LEKR1: variants seen among roughly 807,000 people sequenced by gnomAD.
LEKR1 encodes leucine, glutamate and lysine rich 1.
A neutral mutation model predicts 72.4 loss-of-function variants in LEKR1; 59 were observed. That is an observed-to-expected ratio of 0.82 (90% CI 0.66 to 1.01). LEKR1 has a LOEUF of 1.01. Ranked by LOEUF, LEKR1 falls within the 50% of genes least tolerant of loss-of-function variation. LEKR1 has a pLI of 0.00. For synonymous variants in LEKR1, 257 were observed against 263.2 expected (o/e 0.98, Z 0.23); for missense variants, 728 against 759.2 (o/e 0.96, Z 0.48).
At chr3:156,834,579 C>T (rs1364590816) in intron 2 of LEKR1, among the ~76,000 whole-genome samples, 3 of 152,228 alleles carry the variant, frequency 2.0e-5, no homozygotes, top group African/African-American at 7.2e-5. Context: ...TGGTTAGGAA[C>T]CTGGTAAGTA....
In LEKR1 at chr3:157,033,036, C is replaced by G. The variant is rs116139047; in HGVS notation, c.1668+4634C>G. ...TTGTTTGTGGGTGCCAAGAATGGTG[C>G]CTATATAAGACAGCAAACTTAATAG... On this transcript the variant is annotated intron_variant, in intron 12 of 12. Coordinates refer to ENST00000356539, the MANE Select transcript of LEKR1 (RefSeq NM_001004316.3). Among the ~76,000 whole-genome samples, 588 of 152,160 alleles carry G rather than the reference C, an allele frequency of 3.9e-3. 2 individuals are homozygous for G. Among genetic ancestry groups the G allele is most frequent in the African/African-American group, 0.013 (527 of 41,542 alleles).
intron 6 of LEKR1, among the ~76,000 whole-genome samples, chr3:156,967,909 A>T (rs2107989263): frequency 6.6e-6 from 1 of 152,382 alleles, no homozygotes; most frequent in East Asian, 1.9e-4. Flanking sequence ...GAAGCCCATT[A>T]GACTAACAGC....
At chr3:156,879,032 A>G (rs1718962791) in intron 3 of LEKR1, among the ~76,000 whole-genome samples, 1 of 152,174 alleles carries the variant, frequency 6.6e-6, no homozygotes, top group African/African-American at 2.4e-5. Flanking sequence ...ATGAAAATGG[A>G]CTAATACAGT....
chr3:156,964,340 A>G (rs2874494), intron 6 of LEKR1, among the ~76,000 whole-genome samples: 74,631 of 151,912 alleles, frequency 0.49, 20,588 homozygotes, highest in East Asian at 0.73. Context: ...TGTTTGGATT[A>G]ATCATAATTT....
intron 12 of LEKR1, among the ~76,000 whole-genome samples, chr3:157,030,583 T>C (rs1734532147): frequency 6.6e-6 from 1 of 152,234 alleles, no homozygotes; most frequent in Non-Finnish European, 1.5e-5. Flanking sequence ...ATAAGTTATC[T>C]ATTGCTACGT....
At chr3:156,862,430 C>T (rs774838856) in intron 3 of LEKR1, among the ~76,000 whole-genome samples, 2 of 151,980 alleles carry the variant, frequency 1.3e-5, no homozygotes, top group African/African-American at 2.4e-5. Flanking sequence ...AGAGTACAGG[C>T]TCTGCTAATA....
chr3:157,025,116 G>C (rs1734094794), intron 11 of LEKR1, among the ~76,000 whole-genome samples, 192 bp downstream of exon 11: 3 of 152,158 alleles, frequency 2.0e-5, no homozygotes, highest in Admixed American at 2.0e-4. Context: ...AGTTATACAA[G>C]CATGTAATCC....
At chr3:156,862,018 A>G (rs1424679637) in intron 3 of LEKR1, among the ~76,000 whole-genome samples, 8 of 152,114 alleles carry the variant, frequency 5.3e-5, no homozygotes, top group Non-Finnish European at 8.8e-5. Flanking sequence ...AATAATGTTT[A>G]CCTGGGTTTC....
chr3:156,968,858 T>C (rs894815564), intron 6 of LEKR1, among the ~76,000 whole-genome samples: 1 of 152,168 alleles, frequency 6.6e-6, no homozygotes, highest in African/African-American at 2.4e-5. Flanking sequence ...TATTCCAAAA[T>C]TGACCACATA....
chr3:156,889,462 T>C (rs1720440492), intron 3 of LEKR1, among the ~76,000 whole-genome samples: 2 of 152,176 alleles, frequency 1.3e-5, no homozygotes, highest in African/African-American at 4.8e-5. Context: ...TTTGGATTTC[T>C]CTCTCAGAAG....
chr3:157,011,341 A>G lies in LEKR1; in HGVS notation c.1110-72A>G. On this transcript the variant is annotated intron_variant, in intron 9 of 12. Transcript: ENST00000356539. The stretch of plus-strand genomic sequence containing the variant: ...CTAAGTTTTGAAGTAATATCTCCCG[A>G]CCCAGGAACTACAACTTAGGAATTG... 4 of 1,011,024 alleles carry G rather than the reference A, an allele frequency of 4.0e-6. No individual in the cohort carries two copies. The South Asian group carries it at 5.1e-5, about 13-fold the overall frequency. The allele number at this position is 1,011,024 out of a possible 1,614,324, so 62.6% of individuals were successfully genotyped here.
chr3:156,846,955 G>A (rs1187331961), intron 2 of LEKR1, among the ~76,000 whole-genome samples: 1 of 152,128 alleles, frequency 6.6e-6, no homozygotes, highest in East Asian at 1.9e-4. Flanking sequence ...TGGGACTGCA[G>A]GCGCACACCA....
chr3:156,979,193 G>T lies in LEKR1; in HGVS notation c.746-1G>T. On this transcript the variant is annotated splice_acceptor_variant, in intron 6 of 12. Coordinates refer to ENST00000356539, the MANE Select transcript of LEKR1 (RefSeq NM_001004316.3). LOFTEE classifies it high-confidence loss of function. ...AGATGAAATACATTGTGTCATTTCA[G>T]ATTTACAATGTCTAGTAGAGGCACT... 8.0e-7 allele frequency: 1 copy of T among 1,252,770 alleles called. No homozygotes were observed. Among genetic ancestry groups the T allele is most frequent in the Non-Finnish European group, 1.0e-6 (1 of 954,008 alleles). 77.6% of individuals were successfully genotyped at this position (1,252,770 alleles called of 1,614,324 possible). A position where few individuals can be genotyped will look rare whatever the true frequency, so the allele number is the denominator to read the frequency against.
chr3:156,950,982 A>G (rs1210112849), intron 6 of LEKR1, among the ~76,000 whole-genome samples: 4 of 151,564 alleles, frequency 2.6e-5, no homozygotes, highest in African/African-American at 9.7e-5. Flanking sequence ...TGCCCATTCA[A>G]TATGATGTTG....
intron 10 of LEKR1, among the ~76,000 whole-genome samples, chr3:157,023,732 C>T (rs987457935): frequency 6.6e-6 from 1 of 152,160 alleles, no homozygotes; most frequent in African/African-American, 2.4e-5. Context: ...GATTTAAACT[C>T]AACTTCATCT....
At chr3:157,027,291 C>T (rs986298658) in intron 11 of LEKR1, among the ~76,000 whole-genome samples, 7 of 151,812 alleles carry the variant, frequency 4.6e-5, no homozygotes, top group Non-Finnish European at 8.8e-5. Context: ...TCTCTAACAC[C>T]ACAGAAAGCT....
intron 5 of LEKR1, among the ~76,000 whole-genome samples, chr3:156,940,705 T>A (rs1726123824): frequency 6.6e-6 from 1 of 152,206 alleles, no homozygotes; most frequent in Non-Finnish European, 1.5e-5. Flanking sequence ...TGATGTACTT[T>A]TCCATGTCTT....
chr3:156,879,331 G>A (rs866823681), intron 3 of LEKR1, among the ~76,000 whole-genome samples: 3 of 152,272 alleles, frequency 2.0e-5, no homozygotes, highest in South Asian at 2.1e-4. Context: ...AAAGAGACTG[G>A]TGGTATTTTG....
chr3:156,919,258 A>G (rs2108572048), intron 3 of LEKR1, among the ~76,000 whole-genome samples: 1 of 152,350 alleles, frequency 6.6e-6, no homozygotes, highest in East Asian at 1.9e-4. Context: ...TGAAGTGTTT[A>G]CGAGAGAACT....
Sources: gnomAD v4.1 joint callset for allele counts (sites outside exome capture counted in the v4.1 genomes callset) on GRCh38, gnomAD v4.1.1 for gene constraint, MANE v1.5 for transcripts, NCBI Gene and HGNC (gene_info 2026-07-23, HGNC 2026-07-21) for gene names.